The following CLTC variants were observed in gnomAD, a reference collection of about 807,000 sequenced individuals.
CLTC encodes clathrin heavy chain.
In CLTC, 16 loss-of-function variants were observed where a neutral mutation model predicts 195.8. That is an observed-to-expected ratio of 0.08 (90% CI 0.06 to 0.12). The LOEUF is 0.12. Ranked by LOEUF, CLTC falls within the 10% of genes least tolerant of loss-of-function variation. CLTC has a pLI of 1.00. For missense variants in CLTC, 796 were observed against 2,027.0 expected (o/e 0.39, Z 11.66); for synonymous variants, 667 against 689.4 (o/e 0.97, Z 0.51).
At chr17:59,657,532 C>T (rs569632213) in intron 6 of CLTC, among the ~76,000 whole-genome samples, 4 of 151,868 alleles carry the variant, frequency 2.6e-5, no homozygotes, top group South Asian at 4.2e-4. Flanking sequence ...TTTGGGAGGC[C>T]GATGCGGGCA....
Position 59,660,580 on chromosome 17 carries a change from G to A in CLTC, c.1159G>A (p.Ala387Thr), listed in dbSNP as rs1357839484. The A allele has an allele frequency of 1.1e-5, 17 of 1,613,768 alleles. No individual in the cohort carries two copies. The South Asian group carries it at 1.9e-4, about 18-fold the overall frequency. ...GGAGGCAGCAAAGGTGGCTGCTAATGCACCAAAGGTAAAGAGTTATGAAAA... is the reference window on the plus strand; with the variant it reads ...GGAGGCAGCAAAGGTGGCTGCTAATACACCAAAGGTAAAGAGTTATGAAAA... ...YSEAAKVAAN[A>T]PKGILRTPDT... The change falls in exon 7 of 32, where the codon GCA becomes ACA. Residue 387 changes from alanine (A) to threonine (T), a missense_variant. Transcript: ENST00000269122.
At chr17:59,623,775 A>G (rs1167625359) in intron 1 of CLTC, among the ~76,000 whole-genome samples, 2 of 152,174 alleles carry the variant, frequency 1.3e-5, no homozygotes, top group African/African-American at 4.8e-5. Context: ...ACTTTCTTCA[A>G]TGATGGAACT....
Position 59,683,743 on chromosome 17 carries a change from A to G in CLTC, c.4310A>G (p.Asn1437Ser). The G allele has an allele frequency of 1.2e-6, 2 of 1,614,170 alleles. No homozygotes were observed. Among genetic ancestry groups the G allele is most frequent in the East Asian group, 4.5e-5 (2 of 44,870 alleles). Residue 1437 changes from asparagine to serine, a missense_variant, in exon 27 of 32, where the codon AAT (asparagine) becomes AGT (serine). Physicochemically the swap from Asn to Ser is conservative, Grantham distance 46. Around this residue, in one of 9 missense-constraint regions of CLTC, gnomAD observed 102 missense variants for 317.6 expected, o/e 0.32. Transcript: ENST00000269122. This position sits in a 1 kb window ranked among gnomAD's most constrained non-coding sequence, Gnocchi z 6.1. ...SPRLDHTRAV[N>S]YFSKVKQLPL... ...CGGTTGGATCACACTCGTGCAGTCA[A>G]TTATTTCAGCAAGGTAAAGTAATAA...
intron 17 of CLTC, among the ~76,000 whole-genome samples, chr17:59,677,601 C>A (rs1435420390): frequency 1.3e-5 from 2 of 152,178 alleles, no homozygotes; most frequent in South Asian, 2.1e-4. Context: ...CAGCTTCAGT[C>A]AGTTTGACAT....
intron 16 of CLTC, among the ~76,000 whole-genome samples, chr17:59,676,666 TAATTAA>T (rs1312439122): frequency 6.6e-6 from 1 of 152,218 alleles, no homozygotes; most frequent in South Asian, 2.1e-4. Flanking sequence ...GGATCACTGA[TAATTAA>T]AATTAATGTA....
Position 59,674,757 on chromosome 17 carries a change from T to C in CLTC, c.2475T>C (p.Ser825=). The change falls in exon 16 of 32, where the codon TCT becomes TCC. Residue 825 remains serine (S), a synonymous_variant. Transcript: ENST00000269122. ...VIGGLLDVDC[S]EDVIKNLILV... is the part of the protein sequence containing the mutation. ...GAGGATTACTTGATGTTGACTGTTCTGAAGATGTCATAAAAAACTTGATTC... is the reference window on the plus strand; with the variant it reads ...GAGGATTACTTGATGTTGACTGTTCCGAAGATGTCATAAAAAACTTGATTC... The C allele has an allele frequency of 1.2e-6, 2 of 1,613,430 alleles. No homozygotes were observed. Among genetic ancestry groups the C allele is most frequent in the Non-Finnish European group, 1.7e-6 (2 of 1,179,572 alleles).
chr17:59,623,074 AT>A (rs2031434334), intron 1 of CLTC, among the ~76,000 whole-genome samples: 2 of 152,182 alleles, frequency 1.3e-5, no homozygotes, highest in South Asian at 4.1e-4. Flanking sequence ...TTTTTTGGTG[AT>A]TTTCAATTTT....
rs1315702171 is a variant in CLTC, at chr17:59,681,368, C to T, written c.3139C>T (p.Leu1047=). ...ACGTGTTATGGAGTATATTAACCGC[C>T]TGGATAATTATGATGCCCCAGATAT... is the stretch of plus-strand genomic sequence containing the variant. ...RTRVMEYINR[L]DNYDAPDIAN... is the part of the protein sequence containing the mutation. Residue 1047 remains leucine (L), a synonymous_variant, in exon 20 of 32, where the codon CTG becomes TTG. Transcript: ENST00000269122. This position sits in a 1 kb window ranked among gnomAD's most constrained non-coding sequence, Gnocchi z 5.0. 6.2e-7 allele frequency: 1 copy of T among 1,613,948 alleles called. No individual in the cohort carries two copies. The highest frequency in any genetic ancestry group is 1.7e-5 in the Admixed American group (1 of 60,016).
chr17:59,692,560 A>G (rs561378168), intron 31 of CLTC, among the ~76,000 whole-genome samples: 7 of 152,272 alleles, frequency 4.6e-5, no homozygotes, highest in African/African-American at 1.7e-4. Context: ...TTTAAACTTT[A>G]TAAGAAAGAG....
chr17:59,621,787 T>C (rs984087689), intron 1 of CLTC, among the ~76,000 whole-genome samples: 1 of 152,190 alleles, frequency 6.6e-6, no homozygotes, highest in Non-Finnish European at 1.5e-5. Context: ...GTTTAGTTGC[T>C]GTGGTTGCTT....
At chr17:59,669,797 C>T (rs1405678127) in intron 14 of CLTC, among the ~76,000 whole-genome samples, 1 of 151,990 alleles carries the variant, frequency 6.6e-6, no homozygotes, top group African/African-American at 2.4e-5. Flanking sequence ...AAGAATTTTA[C>T]ATTACAAGTA....
rs758694453 is a variant in CLTC at position 59,663,834 on chromosome 17, T to C, written c.1369-8T>C. Reference sequence around the variant, plus strand: ...GATCACTAAACAATCTCTTTTTCCTTTGGACAGCTGGAATGTTCTGAAGAA... The same window carrying C: ...GATCACTAAACAATCTCTTTTTCCTCTGGACAGCTGGAATGTTCTGAAGAA... On this transcript the variant is annotated splice_region_variant and splice_polypyrimidine_tract_variant and intron_variant, in intron 8 of 31. Coordinates refer to ENST00000269122, the MANE Select transcript of CLTC (RefSeq NM_004859.4). The C allele has an allele frequency of 1.9e-6, 3 of 1,608,238 alleles. No individual in the cohort carries two copies. The highest frequency in any genetic ancestry group is 2.5e-6 in the Non-Finnish European group (3 of 1,178,122).
chr17:59,666,118 A>T lies in CLTC; in HGVS notation c.1660A>T (p.Met554Leu). The T allele has an allele frequency of 6.2e-7, 1 of 1,607,508 alleles. No homozygotes were observed. The highest frequency in any genetic ancestry group is 8.5e-7 in the Non-Finnish European group (1 of 1,174,492). The change falls in exon 11 of 32, where the codon ATG (methionine) becomes TTG (leucine). Residue 554 changes from methionine to leucine, a missense_variant. Physicochemically the swap from Met to Leu is conservative, Grantham distance 15 (BLOSUM62 2). Coordinates refer to ENST00000269122, the MANE Select transcript of CLTC (RefSeq NM_004859.4). The surrounding 1 kb of genome is among the most constrained non-coding windows in gnomAD (Gnocchi z 4.9). ...ADITQIVDVF[M>L]EYNLIQQCTA... The stretch of plus-strand genomic sequence containing the variant: ...TTTTTTGTAGATTGTAGATGTCTTT[A>T]TGGAATACAATCTAATTCAGCAGTG...
intron 14 of CLTC, among the ~76,000 whole-genome samples, chr17:59,671,496 A>G (rs139063735): frequency 1.9e-4 from 29 of 152,294 alleles, no homozygotes; most frequent in Admixed American, 1.1e-3. Context: ...GCCACCAGGA[A>G]TAAAGAGATT....
chr17:59,656,800 AGTAGCTGCAATTACAGATGTGAGTCACT>A (rs1274793172), intron 6 of CLTC, among the ~76,000 whole-genome samples: 16 of 151,126 alleles, frequency 1.1e-4, no homozygotes, highest in East Asian at 9.8e-4. Context: ...CATCCTCCCA[AGTAGCTGCAATTACAGATGTGAGTCACT>A]GCACCCGGCT....
At chr17:59,692,812 G>T (rs2033337344) in intron 31 of CLTC, among the ~76,000 whole-genome samples, 1 of 151,722 alleles carries the variant, frequency 6.6e-6, no homozygotes, top group Non-Finnish European at 1.5e-5. Context: ...AATTTTTTTT[G>T]TATTTTTAGT....
intron 16 of CLTC, among the ~76,000 whole-genome samples, chr17:59,675,163 A>G (rs905405062): frequency 4.6e-5 from 7 of 152,186 alleles, no homozygotes; most frequent in African/African-American, 1.7e-4. Flanking sequence ...ATACCTGTGT[A>G]TTTAACAACT....
intron 1 of CLTC, among the ~76,000 whole-genome samples, chr17:59,622,321 ACAGCCT>A (rs1426860273): frequency 1.3e-5 from 2 of 152,210 alleles, no homozygotes; most frequent in Non-Finnish European, 2.9e-5. Context: ...CCAAATAACT[ACAGCCT>A]CTTTCATGAT....
intron 18 of CLTC, 32 bp from the exon 19 acceptor site, chr17:59,680,880 C>G (rs372176077): frequency 2.2e-5 from 34 of 1,516,292 alleles, no homozygotes; most frequent in Non-Finnish European, 2.8e-5. Context: ...CAACTTGATT[C>G]TCAGTACTTA....
Sources: gnomAD v4.1 joint callset for allele counts (sites outside exome capture counted in the v4.1 genomes callset) on GRCh38, gnomAD v4.1.1 for gene constraint, gnomAD v4.1.1 regional missense constraint, Gnocchi (gnomAD v3.1) non-coding constraint, MANE v1.5 for transcripts, NCBI Gene and HGNC (gene_info 2026-07-23, HGNC 2026-07-21) for gene names.